The following STXBP5L variants were observed in gnomAD, a reference collection of about 807,000 sequenced individuals.
STXBP5L encodes syntaxin-binding protein 5-like.
A neutral mutation model predicts 144.5 loss-of-function variants in STXBP5L; 65 were observed. That is an observed-to-expected ratio of 0.45 (90% CI 0.37 to 0.55). STXBP5L has a LOEUF of 0.55. Among genes scored for constraint, STXBP5L ranks in the 20% least tolerant of loss-of-function variants. STXBP5L has a pLI of 0.00. For synonymous variants in STXBP5L, 505 were observed against 469.6 expected (o/e 1.08, Z -0.97); for missense variants, 1,298 against 1,405.5 (o/e 0.92, Z 1.22).
rs540966423 is a variant in STXBP5L at position 121,090,187 on chromosome 3, C to A, written c.471-24738C>A. Among the ~76,000 whole-genome samples, 3 of 152,058 alleles carry A rather than the reference C, an allele frequency of 2.0e-5. No homozygotes were observed. In the South Asian group the frequency reaches 6.2e-4, roughly 32 times the overall value. Reference sequence around the variant, plus strand: ...GAGGTTTCAGTTTTTATTTAAACCCCTTTTTTAGGTGGTTGTATTTGACAT... The same window carrying A: ...GAGGTTTCAGTTTTTATTTAAACCCATTTTTTAGGTGGTTGTATTTGACAT... On this transcript the variant is annotated intron_variant, in intron 5 of 26. Coordinates refer to ENST00000471454, the MANE Select transcript of STXBP5L (RefSeq NM_001308330.2).
chr3:121,092,659 A>C (rs1350482091), intron 5 of STXBP5L, among the ~76,000 whole-genome samples: 1 of 152,206 alleles, frequency 6.6e-6, no homozygotes, highest in Non-Finnish European at 1.5e-5. Flanking sequence ...TATCAGCTTA[A>C]GGAGATTTTG....
chr3:121,360,519 T>A (rs1165878685), intron 20 of STXBP5L, among the ~76,000 whole-genome samples: 3 of 152,006 alleles, frequency 2.0e-5, no homozygotes, highest in Admixed American at 6.6e-5. Flanking sequence ...TATTTTTGGG[T>A]GATATGATTT....
intron 3 of STXBP5L, among the ~76,000 whole-genome samples, chr3:121,018,523 CAAAAAAAAAAAAA>C (rs139946627): frequency 2.0e-5 from 2 of 101,942 alleles, no homozygotes; most frequent in East Asian, 6.6e-4. Context: ...ATCCATATAC[CAAAAAAAAAAAAA>C]AAAAAAAAAT....
intron 5 of STXBP5L, among the ~76,000 whole-genome samples, chr3:121,059,353 C>T (rs112645728): frequency 0.15 from 22,737 of 152,076 alleles, 2,110 homozygotes; most frequent in East Asian, 0.49. Flanking sequence ...GTTACCAGTA[C>T]CATGGTGTTT....
At chr3:121,344,477 T>C (rs1197472344) in intron 20 of STXBP5L, among the ~76,000 whole-genome samples, 3 of 151,996 alleles carry the variant, frequency 2.0e-5, no homozygotes, top group Non-Finnish European at 4.4e-5. Flanking sequence ...TGCTACAGGA[T>C]TATCTTCAGC....
chr3:120,910,152 G>A (rs1216391771), intron 2 of STXBP5L, among the ~76,000 whole-genome samples: 2 of 152,172 alleles, frequency 1.3e-5, no homozygotes, highest in Non-Finnish European at 2.9e-5. Context: ...CTAGCATGTT[G>A]CTAGGATTAA....
intron 20 of STXBP5L, among the ~76,000 whole-genome samples, chr3:121,360,571 T>C (rs1348037165): frequency 1.3e-5 from 2 of 152,076 alleles, no homozygotes; most frequent in African/African-American, 4.8e-5. Flanking sequence ...TTGTATGCTT[T>C]TTGGTTTGAG....
intron 20 of STXBP5L, among the ~76,000 whole-genome samples, chr3:121,319,467 G>A (rs6438615): frequency 0.046 from 6,954 of 152,058 alleles, 191 homozygotes; most frequent in Middle Eastern, 0.078. Context: ...CAGGAATCTA[G>A]GCTATGTATA....
chr3:121,181,914 T>A, intron 9 of STXBP5L, among the ~76,000 whole-genome samples: 1 of 148,404 alleles, frequency 6.7e-6, no homozygotes, highest in Non-Finnish European at 1.5e-5. Context: ...TATTCTTATA[T>A]CAGACAACAT....
At chr3:120,994,620 C>A (rs1486052750) in intron 3 of STXBP5L, among the ~76,000 whole-genome samples, 1 of 152,104 alleles carries the variant, frequency 6.6e-6, no homozygotes, top group Non-Finnish European at 1.5e-5. Flanking sequence ...CCTTGCCTCT[C>A]TGAGATAAAT....
chr3:121,271,737 A>G (rs1454540669), intron 18 of STXBP5L, among the ~76,000 whole-genome samples: 2 of 152,178 alleles, frequency 1.3e-5, no homozygotes, highest in South Asian at 2.1e-4. Flanking sequence ...TACTGCATCA[A>G]TTAAAACTGT....
At chr3:121,326,997 AG>A (rs1357197718) in intron 20 of STXBP5L, among the ~76,000 whole-genome samples, 1 of 150,264 alleles carries the variant, frequency 6.7e-6, no homozygotes, top group Non-Finnish European at 1.5e-5. Flanking sequence ...CTCCCATTAA[AG>A]TAGTAGCCAT....
At chr3:121,049,471 T>A (rs1576775847) in intron 5 of STXBP5L, among the ~76,000 whole-genome samples, 2 of 152,214 alleles carry the variant, frequency 1.3e-5, no homozygotes, top group African/African-American at 2.4e-5. Flanking sequence ...TTACTGAGTG[T>A]CTACGATTGC....
At chr3:121,343,181 T>A (rs1033781925) in intron 20 of STXBP5L, among the ~76,000 whole-genome samples, 190 of 152,258 alleles carry the variant, frequency 1.2e-3, no homozygotes, top group African/African-American at 4.3e-3. Flanking sequence ...TTCACCCACT[T>A]TTTGATGGGG....
At chr3:121,077,528 A>C (rs1339373907) in intron 5 of STXBP5L, among the ~76,000 whole-genome samples, 1 of 152,116 alleles carries the variant, frequency 6.6e-6, no homozygotes. Flanking sequence ...GAGCAGCAGC[A>C]AGATTATTGC....
At position 121,183,439 on chromosome 3, in the gene STXBP5L, T is replaced by G. The variant is rs146384478; in HGVS notation, c.878-22484T>G. Among the ~76,000 whole-genome samples the G allele has an allele frequency of 4.2e-3, 643 of 152,210 alleles. 4 individuals are homozygous for G. Among genetic ancestry groups the G allele is most frequent in the African/African-American group, 0.015 (613 of 41,530 alleles). ...TTCCTAGATTTGATAAATGAATCAG[T>G]AAAGTTTCAGGACAAAACAAATCAG... On this transcript the variant is annotated intron_variant, in intron 9 of 26. Transcript: ENST00000471454.
In STXBP5L at chr3:121,413,143, C is replaced by G. The variant is rs760524756; in HGVS notation, c.2949-15C>G. The G allele has an allele frequency of 6.4e-7, 1 of 1,554,016 alleles. No individual in the cohort carries two copies. Among genetic ancestry groups the G allele is most frequent in the Admixed American group, 2.0e-5 (1 of 50,052 alleles). On this transcript the variant is annotated splice_polypyrimidine_tract_variant and intron_variant, in intron 23 of 26. Coordinates refer to ENST00000471454, the MANE Select transcript of STXBP5L (RefSeq NM_001308330.2). Reference sequence around the variant, plus strand: ...AACCTGCATATGATATATGGATTTACTTTTTTCCATTCAGCCTACCTAGTC... The same window carrying G: ...AACCTGCATATGATATATGGATTTAGTTTTTTCCATTCAGCCTACCTAGTC...
intron 19 of STXBP5L, among the ~76,000 whole-genome samples, chr3:121,304,560 T>C (rs2108499203): frequency 6.6e-6 from 1 of 152,268 alleles, no homozygotes; most frequent in African/African-American, 2.4e-5. Context: ...ATCAACAGTA[T>C]GTATAAAATT....
At chr3:121,208,351 G>A (rs1013858641) in intron 10 of STXBP5L, among the ~76,000 whole-genome samples, 1 of 145,110 alleles carries the variant, frequency 6.9e-6, no homozygotes, top group Non-Finnish European at 1.5e-5. Context: ...GGGGAGGGGG[G>A]AAGGATAGTA....
Sources: gnomAD v4.1 joint callset for allele counts (sites outside exome capture counted in the v4.1 genomes callset) on GRCh38, gnomAD v4.1.1 for gene constraint, MANE v1.5 for transcripts, NCBI Gene and HGNC (gene_info 2026-07-23, HGNC 2026-07-21) for gene names.